The following RPS29 variants were observed in gnomAD, a reference collection of about 807,000 sequenced individuals.
RPS29 encodes the protein ribosomal protein S29.
For synonymous variants in RPS29, 37 were observed against 26.9 expected, an observed-to-expected ratio of 1.37 and a Z score of -1.16; for missense variants, 60 against 75.7, an observed-to-expected ratio of 0.79 and a Z score of 0.77.
upstream of RPS29, chr14:49,586,617 T>C (rs1016514797): frequency 4.1e-6 from 2 of 484,150 alleles, no homozygotes; most frequent in African/African-American, 3.9e-5. Context: ...TCCCAGCTAC[T>C]CGGGAGGCTG....
At chr14:49,587,961 G>A (rs913267668), upstream of RPS29, among the ~76,000 whole-genome samples, 1 of 152,198 alleles carries the variant, frequency 6.6e-6, no homozygotes, top group East Asian at 1.9e-4. Flanking sequence ...AAGGCCTAGT[G>A]ATAGGAATGA....
At chr14:49,579,623 A>T (rs1008092756), downstream of RPS29, among the ~76,000 whole-genome samples, 1 of 152,228 alleles carries the variant, frequency 6.6e-6, no homozygotes, top group Non-Finnish European at 1.5e-5. Context: ...ATCTTTTGCC[A>T]TCAACACTTA....
chr14:49,591,287 CTGTTTGTTTGTT>C (rs61069057), upstream of RPS29, among the ~76,000 whole-genome samples: 40 of 150,630 alleles, frequency 2.7e-4, no homozygotes, highest in East Asian at 7.8e-4. Context: ...TAGAGGTTTT[CTGTTTGTTTGTT>C]TGTTTGTTTG....
downstream of RPS29, chr14:49,583,504 CAA>C (rs552339139): frequency 3.3e-4 from 196 of 586,236 alleles, no homozygotes; most frequent in Middle Eastern, 1.1e-3. Context: ...GACTCAGTCT[CAA>C]AAAAAAAAAG....
At chr14:49,594,974 G>A (rs1238029786) in intron 1 of RPS29, among the ~76,000 whole-genome samples, 2 of 151,932 alleles carry the variant, frequency 1.3e-5, no homozygotes, top group East Asian at 1.9e-4. Context: ...TGCCCTTTTT[G>A]CCAATAAAAG....
downstream of RPS29, among the ~76,000 whole-genome samples, chr14:49,579,111 G>A (rs188354554): frequency 7.9e-5 from 12 of 152,262 alleles, no homozygotes; most frequent in Non-Finnish European, 1.6e-4. Context: ...GGTTGTAGGA[G>A]GTGGGGCATT....
chr14:49,586,648 T>G, upstream of RPS29: 1 of 420,788 alleles, frequency 2.4e-6, no homozygotes, highest in Non-Finnish European at 4.5e-6. Flanking sequence ...ATCGCTTGAG[T>G]CCAGGAGTTC....
At chr14:49,589,977 G>C (rs757565609), upstream of RPS29, among the ~76,000 whole-genome samples, 6 of 152,200 alleles carry the variant, frequency 3.9e-5, no homozygotes, top group Non-Finnish European at 7.3e-5. Context: ...TTATAAGTGA[G>C]AGCTAAACAT....
At chr14:49,598,221 C>T in intron 1 of RPS29, 1 of 574,422 alleles carries the variant, frequency 1.7e-6, no homozygotes, top group Middle Eastern at 4.3e-4. Context: ...GAGGCAAGAC[C>T]ACGACCCCGA....
chr14:49,598,577 G>T, exon 1 of RPS29: 1 of 702,168 alleles, frequency 1.4e-6, no homozygotes, highest in East Asian at 2.7e-5. Context: ...AGTTCTAAGT[G>T]CCTTTCCCTG....
chr14:49,579,917 C>A (rs1881288991), downstream of RPS29, among the ~76,000 whole-genome samples: 1 of 152,162 alleles, frequency 6.6e-6, no homozygotes, highest in Non-Finnish European at 1.5e-5. Context: ...TACTTAATCT[C>A]TAAGCCTCAG....
In RPS29 at chr14:49,586,364, A is replaced by C; in HGVS notation, c.-18T>G. 1 of 1,612,872 alleles carries C rather than the reference A, an allele frequency of 6.2e-7. No homozygotes were observed. The highest frequency in any genetic ancestry group is 8.5e-7 in the Non-Finnish European group (1 of 1,178,808). ...TGACCCATCTTGCTCTCAGCAGTGC[A>C]ACGAGGTAAAAGGAAGAAGCTGGCC... is the stretch of plus-strand genomic sequence containing the variant. On this transcript the variant is annotated 5_prime_UTR_variant, in exon 1 of 3. Coordinates refer to ENST00000245458, the MANE Select transcript of RPS29 (RefSeq NM_001032.5).
chr14:49,578,558 A>ATTTTTTT (rs1881248697), intron 2 of RPS29, among the ~76,000 whole-genome samples: 8 of 43,002 alleles, frequency 1.9e-4, no homozygotes, highest in South Asian at 5.0e-4. Context: ...CAAAGCTTTC[A>ATTTTTTT]CTTTTTTTTT....
chr14:49,583,694 A>G lies in RPS29; in HGVS notation c.163-19T>C. The G allele has an allele frequency of 5.1e-6, 7 of 1,385,958 alleles. No individual in the cohort carries two copies. Among genetic ancestry groups the G allele is most frequent in the Non-Finnish European group, 6.1e-6 (6 of 981,690 alleles). The allele number at this position is 1,385,958 out of a possible 1,614,324, so 85.9% of individuals were successfully genotyped here. ...AGTCCAACTGAAAAAAAAAAAGCAG[A>G]TGATTTATTTCAAAATGCTTTAAAT... is the stretch of plus-strand genomic sequence containing the variant. On this transcript the variant is annotated intron_variant, in intron 2 of 2. Coordinates refer to ENST00000245458, the MANE Select transcript of RPS29 (RefSeq NM_001032.5).
intron 1 of RPS29, among the ~76,000 whole-genome samples, chr14:49,591,406 G>T (rs7157952): frequency 1.3e-5 from 2 of 151,794 alleles, no homozygotes; most frequent in Admixed American, 6.6e-5. Context: ...TCCACCTCCC[G>T]GCTCAAGCGA....
chr14:49,583,331 A>T (rs928970377), downstream of RPS29, among the ~76,000 whole-genome samples: 1 of 152,130 alleles, frequency 6.6e-6, no homozygotes, highest in Non-Finnish European at 1.5e-5. Context: ...CGAGCAGATC[A>T]CGAAGTCAAG....
chr14:49,575,840 G>C (rs776154467), exon 3 of RPS29: 6 of 152,056 alleles, frequency 3.9e-5, no homozygotes, highest in Non-Finnish European at 8.8e-5. Flanking sequence ...ATAGAGCAAG[G>C]CCATGTCCAA....
At chr14:49,586,233 C>G in intron 1 of RPS29, 52 bp downstream of exon 1, 1 of 1,576,244 alleles carries the variant, frequency 6.3e-7, no homozygotes, top group Non-Finnish European at 8.7e-7. Context: ...AGATTTTAAG[C>G]AGCCTAGCGC....
chr14:49,583,512 AAAAG>A (rs1264071527), downstream of RPS29: 96 of 817,520 alleles, frequency 1.2e-4, no homozygotes, highest in South Asian at 2.1e-3. Flanking sequence ...CTCAAAAAAA[AAAAG>A]AAAAAGATTT....
Sources: allele counts gnomAD v4.1 joint callset (sites outside exome capture counted in the v4.1 genomes callset), GRCh38; gene constraint gnomAD v4.1.1; transcripts MANE v1.5; gene names NCBI Gene and HGNC (gene_info 2026-07-23, HGNC 2026-07-21).